The following TMTC2 variants were observed in gnomAD, a reference collection of about 807,000 sequenced individuals.
TMTC2 encodes protein O-mannosyl-transferase TMTC2.
Under a neutral mutation model 82.4 loss-of-function variants are expected in TMTC2, and 43 were observed. The ratio of observed to expected loss-of-function variants is 0.52; its 90% confidence interval spans 0.41 to 0.67. The LOEUF is 0.67. TMTC2 is among the 30% of genes least tolerant of loss of function. The pLI is 0.00. For synonymous variants in TMTC2, 408 were observed against 381.9 expected (o/e 1.07, Z -0.80); for missense variants, 919 against 1,012.4 (o/e 0.91, Z 1.25).
Position 83,134,825 on chromosome 12 carries a change from G to T in TMTC2, c.*2436G>T, listed in dbSNP as rs971071692. 5.3e-5 allele frequency: 8 copies of T among 152,096 alleles called. No homozygotes were observed. Among genetic ancestry groups the T allele is most frequent in the African/African-American group, 1.7e-4 (7 of 41,422 alleles). The allele number at this position is 152,096 out of a possible 1,614,324, so 9.4% of individuals were successfully genotyped here. On this transcript the variant is annotated 3_prime_UTR_variant, in exon 12 of 12. Coordinates refer to ENST00000321196, the MANE Select transcript of TMTC2 (RefSeq NM_152588.3). ...AGAAATAATTGTTTTATGTGCCAGAGAATTTCAATTTTGTTTTCAACAATA... is the reference window on the plus strand; with the variant it reads ...AGAAATAATTGTTTTATGTGCCAGATAATTTCAATTTTGTTTTCAACAATA...
chr12:82,900,726 G>A (rs1357114774), intron 3 of TMTC2, among the ~76,000 whole-genome samples: 3 of 130,680 alleles, frequency 2.3e-5, no homozygotes, highest in Non-Finnish European at 4.8e-5. Context: ...TATATATATA[G>A]GAATATATAT....
chr12:82,862,308 C>T (rs935887520), intron 2 of TMTC2, among the ~76,000 whole-genome samples: 1 of 152,194 alleles, frequency 6.6e-6, no homozygotes, highest in Admixed American at 6.5e-5. Flanking sequence ...TCAGTCATTG[C>T]TTGCCTAGTG....
intron 10 of TMTC2, among the ~76,000 whole-genome samples, chr12:83,055,785 T>C (rs1384502104): frequency 6.6e-6 from 1 of 151,820 alleles, no homozygotes; most frequent in African/African-American, 2.4e-5. Context: ...GTAGCATTTG[T>C]TCAAACATCT....
At position 83,043,340 on chromosome 12, in the gene TMTC2, T is replaced by C. The variant is rs187337917; in HGVS notation, c.2153-7564T>C. On this transcript the variant is annotated intron_variant, in intron 9 of 11. Coordinates refer to ENST00000321196, the MANE Select transcript of TMTC2 (RefSeq NM_152588.3). ...TTACCAGGAGTGTGTTACTACCCTC[T>C]TCTAGTAGAAACACCCCATAAGTGA... Among the ~76,000 whole-genome samples, 8 of 152,314 alleles carry C rather than the reference T, an allele frequency of 5.3e-5. No homozygotes were observed. The South Asian group carries it at 1.7e-3, about 32-fold the overall frequency.
intron 3 of TMTC2, among the ~76,000 whole-genome samples, chr12:82,926,339 A>G (rs1875715575): frequency 6.6e-6 from 1 of 152,232 alleles, no homozygotes; most frequent in East Asian, 1.9e-4. Flanking sequence ...CCATTAGGCC[A>G]AAACCTAACC....
At chr12:82,744,940 G>A (rs1315272906) in intron 1 of TMTC2, among the ~76,000 whole-genome samples, 1 of 152,138 alleles carries the variant, frequency 6.6e-6, no homozygotes, top group African/African-American at 2.4e-5. Flanking sequence ...AATTTCTGAA[G>A]GGAAGTTTAT....
At chr12:83,084,012 A>G (rs1451655599) in intron 11 of TMTC2, among the ~76,000 whole-genome samples, 1 of 152,200 alleles carries the variant, frequency 6.6e-6, no homozygotes, top group Non-Finnish European at 1.5e-5. Context: ...CCCGACACGT[A>G]TCCTCTGGGT....
intron 1 of TMTC2, among the ~76,000 whole-genome samples, chr12:82,810,799 G>C (rs527700450): frequency 6.6e-6 from 1 of 152,114 alleles, no homozygotes; most frequent in East Asian, 1.9e-4. Flanking sequence ...AAGATCTGAT[G>C]GTTTATAAGG....
At position 82,857,010 on chromosome 12, in the gene TMTC2, C is replaced by T; in HGVS notation, c.84C>T (p.Ser28=). Residue 28 remains serine, a splice_region_variant and synonymous_variant, in exon 2 of 12, where the codon AGC becomes AGT. Coordinates refer to ENST00000321196, the MANE Select transcript of TMTC2 (RefSeq NM_152588.3). ...TTTTTTTTAACGTTTTGTTTTTTAGCCGTGCTATCAAGACTAATCAGGACC... is the reference window on the plus strand; with the variant it reads ...TTTTTTTTAACGTTTTGTTTTTTAGTCGTGCTATCAAGACTAATCAGGACC... ...TLSADFCYDD[S]RAIKTNQDLL... is the part of the protein sequence containing the mutation. 6.3e-7 allele frequency: 1 copy of T among 1,588,316 alleles called. No homozygotes were observed. Among genetic ancestry groups the T allele is most frequent in the Non-Finnish European group, 8.6e-7 (1 of 1,168,992 alleles).
intron 11 of TMTC2, among the ~76,000 whole-genome samples, chr12:83,104,294 CG>C: frequency 1.3e-5 from 2 of 152,270 alleles, no homozygotes; most frequent in Admixed American, 1.3e-4. Flanking sequence ...GGCAGTGCCC[CG>C]TGGGGGGTTC....
chr12:83,038,927 GTT>G lies in TMTC2; in HGVS notation c.2152+8068_2152+8069del, dbSNP rs537630267. 2.0e-3 allele frequency among the ~76,000 whole-genome samples: 216 copies of G among 109,084 alleles called. 1 individual carries two copies. The highest frequency in any genetic ancestry group is 2.8e-3 in the Non-Finnish European group (157 of 55,456). 71.6% of individuals were successfully genotyped at this position (109,084 alleles called of 152,430 possible). ...AAAATATGAAAGAACAAGCACCTTGGTTTTTTTTTTTTTTTTTTTTTGAGATG... is the reference window on the plus strand; with the variant it reads ...AAAATATGAAAGAACAAGCACCTTGGTTTTTTTTTTTTTTTTTTTGAGATG... On this transcript the variant is annotated intron_variant, in intron 9 of 11. Transcript: ENST00000321196.
intron 1 of TMTC2, among the ~76,000 whole-genome samples, chr12:82,773,501 C>T (rs577731014): frequency 6.6e-6 from 1 of 150,574 alleles, no homozygotes; most frequent in African/African-American, 2.4e-5. Flanking sequence ...CGCTCTGTCA[C>T]CCAGGCTGGA....
chr12:82,702,915 G>C (rs1260908324), intron 1 of TMTC2, among the ~76,000 whole-genome samples: 1 of 152,190 alleles, frequency 6.6e-6, no homozygotes, highest in Non-Finnish European at 1.5e-5. Context: ...AGGAGGCTGA[G>C]ATTGGAGGAT....
At chr12:82,935,566 C>G (rs1445608721) in intron 4 of TMTC2, among the ~76,000 whole-genome samples, 1 of 152,180 alleles carries the variant, frequency 6.6e-6, no homozygotes, top group Non-Finnish European at 1.5e-5. Flanking sequence ...ACACCACTCA[C>G]TGCAATGTGA....
At chr12:82,983,837 C>T (rs1879037010) in intron 7 of TMTC2, among the ~76,000 whole-genome samples, 1 of 151,924 alleles carries the variant, frequency 6.6e-6, no homozygotes, top group Non-Finnish European at 1.5e-5. Flanking sequence ...AATTGCTTTA[C>T]ATTGTTCAGT....
chr12:82,833,409 T>G (rs762258268), intron 1 of TMTC2, among the ~76,000 whole-genome samples: 1 of 152,152 alleles, frequency 6.6e-6, no homozygotes, highest in Non-Finnish European at 1.5e-5. Context: ...CTAAGTCAAA[T>G]AAAAAAACTT....
chr12:83,095,429 A>G (rs558384390), intron 11 of TMTC2, among the ~76,000 whole-genome samples: 1 of 151,676 alleles, frequency 6.6e-6, no homozygotes, highest in Non-Finnish European at 1.5e-5. Flanking sequence ...TTTATTAGAG[A>G]TGGTGTTTCA....
Position 83,118,683 on chromosome 12 carries a change from C to T in TMTC2, c.2332-13527C>T, listed in dbSNP as rs550990084. On this transcript the variant is annotated intron_variant, in intron 11 of 11. Transcript: ENST00000321196. ...TTTGGTATTAGAGTGATACTGGCTT[C>T]ATAGAATGAATTAAGGAGGCTTCGC... Among the ~76,000 whole-genome samples, 10 of 152,108 alleles carry T rather than the reference C, an allele frequency of 6.6e-5. No individual in the cohort carries two copies. In the South Asian group the frequency reaches 2.1e-3, roughly 32 times the overall value.
intron 2 of TMTC2, among the ~76,000 whole-genome samples, chr12:82,869,462 A>C (rs1208936508): frequency 2.6e-5 from 4 of 152,158 alleles, no homozygotes; most frequent in African/African-American, 4.8e-5. Context: ...AAATATTATA[A>C]AAATTTCACA....
Sources: gnomAD v4.1 joint callset for allele counts (sites outside exome capture counted in the v4.1 genomes callset) on GRCh38, gnomAD v4.1.1 for gene constraint, MANE v1.5 for transcripts, NCBI Gene and HGNC (gene_info 2026-07-23, HGNC 2026-07-21) for gene names.